The following PCDH7 variants were observed in gnomAD, a reference collection of about 807,000 sequenced individuals.
PCDH7 encodes the protein protocadherin-7.
A neutral mutation model predicts 58.9 loss-of-function variants in PCDH7; 17 were observed. That is an observed-to-expected ratio of 0.29 (90% CI 0.20 to 0.43). PCDH7 has a LOEUF of 0.43. Ranked by LOEUF, PCDH7 falls within the 20% of genes least tolerant of loss-of-function variation. The probability of loss-of-function intolerance (pLI) is 1.00; values close to 1 mark genes in which losing one functional copy is unlikely to be tolerated. For missense variants in PCDH7, 1,274 were observed against 1,441.0 expected, an observed-to-expected ratio of 0.88 and a Z score of 1.88; for synonymous variants, 664 against 616.4, an observed-to-expected ratio of 1.08 and a Z score of -1.14.
chr4:31,115,778 T>A (rs1174898186), intron 3 of PCDH7, among the ~76,000 whole-genome samples: 2 of 152,174 alleles, frequency 1.3e-5, no homozygotes, highest in East Asian at 3.8e-4. Flanking sequence ...AGTAATTGGA[T>A]CTCACACAAC....
chr4:30,739,260 T>C (rs1040663435), intron 1 of PCDH7, among the ~76,000 whole-genome samples: 7 of 149,842 alleles, frequency 4.7e-5, no homozygotes, highest in Non-Finnish European at 1.0e-4. Flanking sequence ...AAATTCCTCC[T>C]TCTTTTCCTT....
At chr4:30,759,905 A>T (rs912710254) in intron 1 of PCDH7, among the ~76,000 whole-genome samples, 1 of 152,092 alleles carries the variant, frequency 6.6e-6, no homozygotes, top group Non-Finnish European at 1.5e-5. Context: ...CCCTAGGGTG[A>T]TGTTTCTCTT....
chr4:30,754,255 A>T (rs1308672234), intron 1 of PCDH7, among the ~76,000 whole-genome samples: 1 of 152,024 alleles, frequency 6.6e-6, no homozygotes, highest in African/African-American at 2.4e-5. Context: ...ACTCATTAGA[A>T]AATGTCCTGA....
At chr4:31,096,149 C>T (rs917870189) in intron 3 of PCDH7, among the ~76,000 whole-genome samples, 17 of 152,080 alleles carry the variant, frequency 1.1e-4, no homozygotes, top group Non-Finnish European at 2.1e-4. Flanking sequence ...CCCCTAGGCC[C>T]CAAGTTATTG....
At chr4:30,862,693 T>C (rs1229683673) in intron 1 of PCDH7, among the ~76,000 whole-genome samples, 5 of 152,154 alleles carry the variant, frequency 3.3e-5, no homozygotes, top group Non-Finnish European at 5.9e-5. Context: ...ATTTTGCTTT[T>C]TGCTTTCTTT....
chr4:30,898,388 T>C (rs997242342), intron 1 of PCDH7, among the ~76,000 whole-genome samples: 2 of 152,172 alleles, frequency 1.3e-5, no homozygotes, highest in Non-Finnish European at 2.9e-5. Flanking sequence ...GCTCCACTTC[T>C]GGTAGATAGT....
chr4:31,135,656 C>T (rs570281200), intron 3 of PCDH7, among the ~76,000 whole-genome samples: 3 of 152,162 alleles, frequency 2.0e-5, no homozygotes, highest in South Asian at 2.1e-4. Context: ...TGTTATAAGA[C>T]GTTATATGTT....
chr4:30,801,378 G>A (rs1725502513), intron 1 of PCDH7, among the ~76,000 whole-genome samples: 1 of 152,048 alleles, frequency 6.6e-6, no homozygotes, highest in Non-Finnish European at 1.5e-5. Context: ...AAAACAGAAG[G>A]CAGAATGCTA....
At chr4:30,827,682 G>T (rs1252997457) in intron 1 of PCDH7, among the ~76,000 whole-genome samples, 3 of 152,116 alleles carry the variant, frequency 2.0e-5, no homozygotes, top group Non-Finnish European at 2.9e-5. Flanking sequence ...AGACAGTTGT[G>T]CATGCAGTAC....
intron 1 of PCDH7, among the ~76,000 whole-genome samples, chr4:30,858,664 T>G (rs922629569): frequency 6.6e-6 from 1 of 152,184 alleles, no homozygotes; most frequent in African/African-American, 2.4e-5. Context: ...AGAGAGAGTC[T>G]GTTGGTAGGC....
At chr4:31,101,632 A>G (rs1169053502) in intron 3 of PCDH7, among the ~76,000 whole-genome samples, 4 of 152,214 alleles carry the variant, frequency 2.6e-5, no homozygotes, top group Admixed American at 6.5e-5. Context: ...ATACGTGACT[A>G]TTGAATTCCT....
intron 1 of PCDH7, among the ~76,000 whole-genome samples, chr4:30,752,235 C>T (rs1318441352): frequency 1.3e-5 from 2 of 151,990 alleles, no homozygotes; most frequent in African/African-American, 2.4e-5. Flanking sequence ...CGGGTTCAAG[C>T]GATTCTCCTG....
intron 1 of PCDH7, among the ~76,000 whole-genome samples, chr4:30,738,834 T>G (rs1716666158): frequency 6.6e-6 from 1 of 152,010 alleles, no homozygotes; most frequent in Non-Finnish European, 1.5e-5. Context: ...AAGCACAGTC[T>G]CAGTGGATTT....
chr4:30,870,046 T>C (rs1735370540), intron 1 of PCDH7, among the ~76,000 whole-genome samples: 2 of 152,072 alleles, frequency 1.3e-5, no homozygotes, highest in African/African-American at 4.8e-5. Context: ...TGTGATGAGC[T>C]TTTTTTCATA....
chr4:30,847,149 A>AG (rs1491266827), intron 1 of PCDH7, among the ~76,000 whole-genome samples: 2 of 152,024 alleles, frequency 1.3e-5, no homozygotes, highest in Non-Finnish European at 2.9e-5. Flanking sequence ...TAAAAAAAAA[A>AG]GAATGCATTT....
chr4:30,898,000 C>T (rs764067630), intron 1 of PCDH7, among the ~76,000 whole-genome samples: 2 of 152,132 alleles, frequency 1.3e-5, no homozygotes, highest in Non-Finnish European at 2.9e-5. Context: ...TTTTTCTTTC[C>T]TCCCAAAGGT....
At chr4:31,035,284 C>G (rs1227278742) in intron 3 of PCDH7, among the ~76,000 whole-genome samples, 1 of 121,430 alleles carries the variant, frequency 8.2e-6, no homozygotes, top group Non-Finnish European at 1.6e-5. Context: ...GACGGAGTCT[C>G]ACTCTGTTGC....
chr4:30,916,865 C>A (rs1194916439), intron 1 of PCDH7, among the ~76,000 whole-genome samples: 1 of 152,124 alleles, frequency 6.6e-6, no homozygotes, highest in Non-Finnish European at 1.5e-5. Context: ...ATCTCTGAGT[C>A]CCGCCCTGAA....
chr4:31,031,405 T>C (rs752902778), intron 3 of PCDH7, among the ~76,000 whole-genome samples: 38 of 152,252 alleles, frequency 2.5e-4, no homozygotes, highest in Middle Eastern at 3.4e-3. Context: ...TAAAGAATCA[T>C]TTCAAGTAGA....
Sources: allele counts gnomAD v4.1 joint callset (sites outside exome capture counted in the v4.1 genomes callset), GRCh38; gene constraint gnomAD v4.1.1; transcripts MANE v1.5; gene names NCBI Gene and HGNC (gene_info 2026-07-23, HGNC 2026-07-21).